CNGA2: variants seen among roughly 807,000 people sequenced by gnomAD.
CNGA2 encodes the protein cyclic nucleotide gated channel subunit alpha 2.
CNGA2 carries 22 observed loss-of-function variants against 35.9 expected under a neutral mutation model. That is an observed-to-expected ratio of 0.61 (90% CI 0.44 to 0.88). The LOEUF (loss-of-function observed/expected upper bound fraction) is 0.88. Ranked by LOEUF, CNGA2 falls within the 40% of genes least tolerant of loss-of-function variation. The pLI, the probability that CNGA2 is intolerant of heterozygous loss-of-function variation, is 0.00. For missense variants in CNGA2, 555 were observed against 530.8 expected (o/e 1.05, Z -0.45); for synonymous variants, 217 against 209.2 (o/e 1.04, Z -0.32).
Position 151,738,859 on chromosome X carries a change from G to A in CNGA2, c.183G>A (p.Gln61=), listed in dbSNP as rs1482701161. ...QRLADVDAPQ[Q]GRSGFRRIVR... ...TGGCAGACGTGGATGCCCCACAGCA[G>A]GGAAGGAGTGGCTTCCGCAGGTGGG... is the stretch of plus-strand genomic sequence containing the variant. The change falls in exon 3 of 7, where the codon CAG becomes CAA. Residue 61 remains glutamine, a synonymous_variant. Transcript: ENST00000329903. The A allele has an allele frequency of 8.5e-6, 10 of 1,173,770 alleles. No individual in the cohort carries two copies. Among genetic ancestry groups the A allele is most frequent in the South Asian group, 1.9e-5 (1 of 52,869 alleles).
chrX:151,742,509 G>C, intron 5 of CNGA2, 27 bp from the exon 6 acceptor site: 1 of 1,147,676 alleles, frequency 8.7e-7, no homozygotes, highest in Non-Finnish European at 1.2e-6. Flanking sequence ...GGCTTTGGGG[G>C]TGAAGCTTAG....
chrX:151,742,073 T>A (rs943039582), intron 5 of CNGA2, among the ~76,000 whole-genome samples: 1 of 112,625 alleles, frequency 8.9e-6, no homozygotes, highest in African/African-American at 3.2e-5. Flanking sequence ...ATTCTCCCTC[T>A]CACGTGTATT....
At chrX:151,741,254 T>C (rs1021490648) in intron 5 of CNGA2, among the ~76,000 whole-genome samples, 1 of 111,808 alleles carries the variant, frequency 8.9e-6, no homozygotes, top group African/African-American at 3.3e-5. Flanking sequence ...GGACCTGACC[T>C]TTTTCTCTTG....
In CNGA2 at chrX:151,740,781, T is replaced by C. The variant is rs753422840; in HGVS notation, c.375-13T>C. ...ACCTGATCCCCAAACCTTGCCTTTG[T>C]CTGTCTTCTCAGGAAGAAATTTGAA... is the stretch of plus-strand genomic sequence containing the variant. On this transcript the variant is annotated splice_polypyrimidine_tract_variant and intron_variant, in intron 4 of 6. Transcript: ENST00000329903. The C allele has an allele frequency of 2.1e-5, 25 of 1,182,614 alleles. No individual in the cohort carries two copies. The highest frequency in any genetic ancestry group is 2.3e-4 in the Middle Eastern group (1 of 4,277).
At position 151,744,401 on chromosome X, in the gene CNGA2, T is replaced by C. The variant is rs2015354169; in HGVS notation, c.1898T>C (p.Ile633Thr). ...GCCCAGCAGAAGCTCAAGCAGCGCA[T>C]CACAGTTCTGGAAACCAAGATGAAA... ...TGAQQKLKQR[I>T]TVLETKMKQN... The change falls in exon 7 of 7, where the codon ATC (isoleucine) becomes ACC (threonine). Residue 633 changes from isoleucine to threonine, a missense_variant. Transcript: ENST00000329903. 8.3e-7 allele frequency: 1 copy of C among 1,208,724 alleles called. No homozygotes were observed. Among genetic ancestry groups the C allele is most frequent in the African/African-American group, 1.8e-5 (1 of 56,787 alleles).
rs2015339839 is a variant in CNGA2, at chrX:151,743,573, T to C, written c.1070T>C (p.Phe357Ser). 1 of 1,209,395 alleles carries C rather than the reference T, an allele frequency of 8.3e-7. No homozygotes were observed. Among genetic ancestry groups the C allele is most frequent in the African/African-American group, 1.8e-5 (1 of 56,910 alleles). Residue 357 changes from phenylalanine (F) to serine (S), a missense_variant, in exon 7 of 7, where the codon TTC becomes TCC. Transcript: ENST00000329903. ...GAGTACCTATTTGTCATCTTTGACT[T>C]CCTGATTGGCGTCCTCATCTTTGCC... ...DEEYLFVIFD[F>S]LIGVLIFATI...
chrX:151,742,427 T>G lies in CNGA2; in HGVS notation c.483-109T>G, dbSNP rs2015313722. On this transcript the variant is annotated intron_variant, in intron 5 of 6. Coordinates refer to ENST00000329903, the MANE Select transcript of CNGA2 (RefSeq NM_005140.3). Reference sequence around the variant, plus strand: ...CATCAGGCTGACTGTGACTAAATGATGCCCCTGGTAGCCATCCCAAGCCCT... The same window carrying G: ...CATCAGGCTGACTGTGACTAAATGAGGCCCCTGGTAGCCATCCCAAGCCCT... The G allele has an allele frequency of 1.5e-5, 8 of 517,583 alleles. No individual in the cohort carries two copies. The South Asian group carries it at 2.6e-4, about 17-fold the overall frequency. The allele number at this position is 517,583 out of a possible 1,213,427, so 42.7% of individuals were successfully genotyped here.
rs2015363500 is a variant in CNGA2 at position 151,745,100 on chromosome X, C to G, written c.*602C>G. The G allele has an allele frequency of 9.0e-6, 1 of 111,623 alleles. No homozygotes were observed. The highest frequency in any genetic ancestry group is 3.3e-5 in the African/African-American group (1 of 30,688). 9.2% of individuals were successfully genotyped at this position (111,623 alleles called of 1,213,427 possible). A position where few individuals can be genotyped will look rare whatever the true frequency, so the allele number is the denominator to read the frequency against. On this transcript the variant is annotated 3_prime_UTR_variant, in exon 7 of 7. Coordinates refer to ENST00000329903, the MANE Select transcript of CNGA2 (RefSeq NM_005140.3). Reference sequence around the variant, plus strand: ...CTGTGGACCAAGGAGATAGACCCGGCTTCTGGTCCATTCCAGGGCAGGGAG... The same window carrying G: ...CTGTGGACCAAGGAGATAGACCCGGGTTCTGGTCCATTCCAGGGCAGGGAG...
chrX:151,737,054 G>C (rs1241770107), intron 1 of CNGA2, among the ~76,000 whole-genome samples: 1 of 111,920 alleles, frequency 8.9e-6, no homozygotes, highest in Non-Finnish European at 1.9e-5. Flanking sequence ...GAGAGCACCA[G>C]GTGAGCATCT....
In CNGA2 at chrX:151,744,633, G is replaced by T; in HGVS notation, c.*135G>T. 1.7e-6 allele frequency: 1 copy of T among 580,559 alleles called. No homozygotes were observed. The highest frequency in any genetic ancestry group is 2.6e-6 in the Non-Finnish European group (1 of 387,759). 47.8% of individuals were successfully genotyped at this position (580,559 alleles called of 1,213,427 possible). On this transcript the variant is annotated 3_prime_UTR_variant, in exon 7 of 7. Coordinates refer to ENST00000329903, the MANE Select transcript of CNGA2 (RefSeq NM_005140.3). Reference sequence around the variant, plus strand: ...TTCTCCCAAAAGCCTCTCTGACCCTGGGTTTTTGGCCTAAACATCCAAGAT... The same window carrying T: ...TTCTCCCAAAAGCCTCTCTGACCCTTGGTTTTTGGCCTAAACATCCAAGAT...
In CNGA2 at chrX:151,742,925, G is replaced by GATAT. The variant is rs34829464; in HGVS notation, c.590-155_590-152dup. On this transcript the variant is annotated intron_variant, in intron 6 of 6. Coordinates refer to ENST00000329903, the MANE Select transcript of CNGA2 (RefSeq NM_005140.3). ...CTAGAGATATTAGCCTATAGGGAAG[G>GATAT]ATATATATATATATATGTATATGTA... Among the ~76,000 whole-genome samples, 52 of 61,426 alleles carry GATAT rather than the reference G, an allele frequency of 8.5e-4. 1 individual carries two copies. Among genetic ancestry groups the GATAT allele is most frequent in the African/African-American group, 1.9e-3 (19 of 10,062 alleles). 53.3% of individuals were successfully genotyped at this position (61,426 alleles called of 115,157 possible).
intron 3 of CNGA2, among the ~76,000 whole-genome samples, chrX:151,739,340 T>A (rs923008902): frequency 1.8e-5 from 2 of 112,332 alleles, no homozygotes; most frequent in Non-Finnish European, 3.8e-5. Flanking sequence ...AGGACAGCAG[T>A]CTCCCCCTGG....
Position 151,740,835 on chromosome X carries a change from G to T in CNGA2, c.416G>T (p.Trp139Leu), listed in dbSNP as rs35350051. ...TTTGTCTTGGACCCAGCTGGGGATT[G>T]GTACTACTGCTGGCTATTTGTCATT... is the stretch of plus-strand genomic sequence containing the variant. ...ELFVLDPAGDWYYCWLFVIAM... is the reference protein window; with the variant it reads ...ELFVLDPAGDLYYCWLFVIAM... Residue 139 changes from tryptophan (W) to leucine (L), a missense_variant, in exon 5 of 7, where the codon TGG becomes TTG. Transcript: ENST00000329903. The T allele has an allele frequency of 0.15, 176,370 of 1,208,547 alleles. 9,279 individuals carry two copies. Among genetic ancestry groups the T allele is most frequent in the East Asian group, 0.24 (7,955 of 33,666 alleles).
In CNGA2 at chrX:151,745,522, C is replaced by T. The variant is rs956310850; in HGVS notation, c.*1024C>T. Among the ~76,000 whole-genome samples, 2 of 111,853 alleles carry T rather than the reference C, an allele frequency of 1.8e-5. No homozygotes were observed. Among genetic ancestry groups the T allele is most frequent in the South Asian group, 7.5e-4 (2 of 2,656 alleles). On this transcript the variant is annotated 3_prime_UTR_variant, in exon 7 of 7. Transcript: ENST00000329903. ...TCCTCCCATACTTTAAGTCATCTCT[C>T]GATTATTTGTAACACCTAATACAAT...
In CNGA2 at chrX:151,743,976, G is replaced by A. The variant is rs765087610; in HGVS notation, c.1473G>A (p.Met491Ile). 2.1e-5 allele frequency: 25 copies of A among 1,211,697 alleles called. No individual in the cohort carries two copies. The highest frequency in any genetic ancestry group is 2.8e-5 in the Non-Finnish European group (25 of 895,559). Reference protein sequence around the residue: ...ICRKGDIGKEMYIIKEGKLAV... With the variant: ...ICRKGDIGKEIYIIKEGKLAV... Reference sequence around the variant, plus strand: ...GCAAAGGGGACATCGGCAAGGAGATGTACATCATTAAGGAGGGCAAACTGG... The same window carrying A: ...GCAAAGGGGACATCGGCAAGGAGATATACATCATTAAGGAGGGCAAACTGG... The change falls in exon 7 of 7, where the codon ATG (methionine) becomes ATA (isoleucine). Residue 491 changes from methionine to isoleucine, a missense_variant. Coordinates refer to ENST00000329903, the MANE Select transcript of CNGA2 (RefSeq NM_005140.3).
chrX:151,744,127 A>T lies in CNGA2; in HGVS notation c.1624A>T (p.Ser542Cys). 2 of 1,210,798 alleles carry T rather than the reference A, an allele frequency of 1.7e-6. No homozygotes were observed. The highest frequency in any genetic ancestry group is 2.2e-6 in the Non-Finnish European group (2 of 895,356). Residue 542 changes from serine (S) to cysteine (C), a missense_variant, in exon 7 of 7, where the codon AGC becomes TGC. Coordinates refer to ENST00000329903, the MANE Select transcript of CNGA2 (RefSeq NM_005140.3). ...CAATCGACGCACAGCTAATATCCGC[A>T]GCCTGGGCTACTCAGATCTCTTCTG... Reference protein sequence around the residue: ...MGNRRTANIRSLGYSDLFCLS... With the variant: ...MGNRRTANIRCLGYSDLFCLS...
intron 1 of CNGA2, among the ~76,000 whole-genome samples, chrX:151,737,022 A>C: frequency 9.0e-6 from 1 of 111,693 alleles, no homozygotes; most frequent in East Asian, 2.8e-4. Flanking sequence ...CCTCGTTACT[A>C]TCCTGGTGCC....
chrX:151,745,307 CTG>C lies in CNGA2; in HGVS notation c.*812_*813del, dbSNP rs1465175560. The C allele has an allele frequency of 3.6e-5, 4 of 111,901 alleles. No homozygotes were observed. Among genetic ancestry groups the C allele is most frequent in the African/African-American group, 1.3e-4 (4 of 30,735 alleles). The allele number at this position is 111,901 out of a possible 1,213,427, so 9.2% of individuals were successfully genotyped here. A position where few individuals can be genotyped will look rare whatever the true frequency, so the allele number is the denominator to read the frequency against. ...GAGTTAAAAAATTCCTTTGAACTAT[CTG>C]TGGTTATTGCTCAACTCTGCTGTTC... On this transcript the variant is annotated 3_prime_UTR_variant, in exon 7 of 7. Transcript: ENST00000329903.
rs377114471 is a variant in CNGA2 at position 151,739,689 on chromosome X, G to C, written c.331G>C (p.Gly111Arg). Residue 111 changes from glycine (G) to arginine (R), a missense_variant, in exon 4 of 7, where the codon GGG becomes CGG. By Grantham distance (125) the Gly-to-Arg change is moderately radical (BLOSUM62 -2). Transcript: ENST00000329903. ...PELQTVTTQE[G>R]DGKGDKDGED... ...ACTCCAGACTGTGACCACACAGGAGGGGGATGGCAAAGGCGACAAGGATGG... is the reference window on the plus strand; with the variant it reads ...ACTCCAGACTGTGACCACACAGGAGCGGGATGGCAAAGGCGACAAGGATGG... The C allele has an allele frequency of 1.5e-5, 18 of 1,210,003 alleles. No individual in the cohort carries two copies. The highest frequency in any genetic ancestry group is 1.2e-4 in the East Asian group (4 of 33,757).
Sources: allele counts gnomAD v4.1 joint callset (sites outside exome capture counted in the v4.1 genomes callset), GRCh38; gene constraint gnomAD v4.1.1; transcripts MANE v1.5; gene names NCBI Gene and HGNC (gene_info 2026-07-23, HGNC 2026-07-21).